Variants in LUZP2 observed in about 807,000 individuals in gnomAD.
The protein encoded by LUZP2 is leucine zipper protein 2.
In LUZP2, 52 loss-of-function variants were observed where a neutral mutation model predicts 51.6. That is an observed-to-expected ratio of 1.01 (90% CI 0.81 to 1.27). The LOEUF is 1.27. Among genes scored for constraint, LUZP2 ranks in the 50% most tolerant of loss-of-function variants. LUZP2 has a pLI of 0.00. For missense variants in LUZP2, 436 were observed against 395.4 expected (o/e 1.10, Z -0.87); for synonymous variants, 154 against 137.3 (o/e 1.12, Z -0.85).
In LUZP2 at chr11:25,025,515, C is replaced by T. The variant is rs542879821; in HGVS notation, c.766-24523C>T. Among the ~76,000 whole-genome samples the T allele has an allele frequency of 9.2e-5, 14 of 152,324 alleles. No individual in the cohort carries two copies. The East Asian group carries it at 2.5e-3, about 27-fold the overall frequency. On this transcript the variant is annotated intron_variant, in intron 9 of 11. Transcript: ENST00000336930. The stretch of plus-strand genomic sequence containing the variant: ...TGAACAGACACTTCTCAAAAGAAGA[C>T]ATTTATTCACCCAACAGACACATGA...
intron 5 of LUZP2, 89 bp downstream of exon 5, chr11:24,763,397 T>A: frequency 2.0e-6 from 1 of 496,848 alleles, no homozygotes; most frequent in South Asian, 5.0e-5. Context: ...TTTGGAGTAT[T>A]AAACACTTGC....
At chr11:24,774,785 T>C (rs3926541) in intron 5 of LUZP2, among the ~76,000 whole-genome samples, 4,431 of 29,860 alleles carry the variant, frequency 0.15, 84 homozygotes, top group Non-Finnish European at 0.18. Context: ...ATATAGAATA[T>C]ATTCTATATA....
intron 1 of LUZP2, among the ~76,000 whole-genome samples, chr11:24,707,689 C>T (rs1167913371): frequency 6.6e-6 from 1 of 152,138 alleles, no homozygotes; most frequent in African/African-American, 2.4e-5. Flanking sequence ...GTGAATTTGC[C>T]TTTCTGCCTT....
intron 3 of LUZP2, among the ~76,000 whole-genome samples, chr11:24,735,001 G>A (rs1042395277): frequency 6.6e-6 from 1 of 151,742 alleles, no homozygotes; most frequent in Non-Finnish European, 1.5e-5. Flanking sequence ...ATTCAGAGGT[G>A]GCCACCGAAA....
chr11:24,628,473 C>T (rs1477353760), intron 1 of LUZP2, among the ~76,000 whole-genome samples: 3 of 152,016 alleles, frequency 2.0e-5, no homozygotes, highest in Non-Finnish European at 4.4e-5. Flanking sequence ...TTTCTTTTCC[C>T]GAGTTATGTG....
At chr11:24,626,576 C>T (rs946135434) in intron 1 of LUZP2, among the ~76,000 whole-genome samples, 6 of 152,042 alleles carry the variant, frequency 3.9e-5, no homozygotes, top group African/African-American at 9.7e-5. Context: ...GATGGGAGAC[C>T]AGAAATCAAT....
chr11:24,529,435 G>T (rs1444878085), intron 1 of LUZP2, among the ~76,000 whole-genome samples: 1 of 150,930 alleles, frequency 6.6e-6, no homozygotes, highest in African/African-American at 2.4e-5. Flanking sequence ...TCCTGAAAGT[G>T]CATGCTATAG....
At chr11:25,007,516 T>A (rs1380767599) in intron 9 of LUZP2, among the ~76,000 whole-genome samples, 1 of 152,076 alleles carries the variant, frequency 6.6e-6, no homozygotes, top group Non-Finnish European at 1.5e-5. Context: ...GGTAGGAGAA[T>A]CACTTGAACC....
intron 7 of LUZP2, among the ~76,000 whole-genome samples, chr11:24,958,514 C>A (rs1855281190): frequency 6.6e-6 from 1 of 152,102 alleles, no homozygotes; most frequent in Admixed American, 6.6e-5. Context: ...TGATGATGAG[C>A]ATTTTTTCAT....
intron 5 of LUZP2, among the ~76,000 whole-genome samples, chr11:24,889,502 TAAA>T (rs1852779537): frequency 6.6e-6 from 1 of 152,160 alleles, no homozygotes; most frequent in African/African-American, 2.4e-5. Flanking sequence ...GTTTCAGAAA[TAAA>T]GAAGAATGAT....
chr11:24,581,540 G>A (rs369937820), intron 1 of LUZP2, among the ~76,000 whole-genome samples: 57 of 150,308 alleles, frequency 3.8e-4, no homozygotes, highest in African/African-American at 1.0e-3. Context: ...GTGTGGTGGC[G>A]CTCTCTTGCA....
chr11:24,746,253 G>A (rs1162165047), intron 4 of LUZP2, among the ~76,000 whole-genome samples: 1 of 152,092 alleles, frequency 6.6e-6, no homozygotes, highest in Non-Finnish European at 1.5e-5. Context: ...CTTGGTAGTG[G>A]CGAATTCACT....
intron 5 of LUZP2, among the ~76,000 whole-genome samples, chr11:24,789,338 C>G (rs139468491): frequency 2.4e-4 from 37 of 152,248 alleles, no homozygotes; most frequent in African/African-American, 7.7e-4. Flanking sequence ...AGGTGTGTCT[C>G]TTTGTATAAC....
At chr11:24,702,793 T>G (rs1338267113) in intron 1 of LUZP2, among the ~76,000 whole-genome samples, 1 of 151,548 alleles carries the variant, frequency 6.6e-6, no homozygotes, top group Non-Finnish European at 1.5e-5. Flanking sequence ...TGTTGTCATT[T>G]CAGATTTAAA....
chr11:24,577,204 A>T (rs1852680168), intron 1 of LUZP2, among the ~76,000 whole-genome samples: 1 of 152,022 alleles, frequency 6.6e-6, no homozygotes, highest in Non-Finnish European at 1.5e-5. Context: ...TCAGAGTTTT[A>T]TACAAATTAA....
intron 1 of LUZP2, among the ~76,000 whole-genome samples, chr11:24,682,551 A>G (rs1365713673): frequency 6.9e-6 from 1 of 144,882 alleles, no homozygotes; most frequent in Admixed American, 6.9e-5. Flanking sequence ...ATATGTATAT[A>G]TACACACTGA....
intron 5 of LUZP2, among the ~76,000 whole-genome samples, chr11:24,817,178 C>A (rs1850213933): frequency 6.6e-6 from 1 of 150,638 alleles, no homozygotes; most frequent in Non-Finnish European, 1.5e-5. Context: ...ATATCAATTG[C>A]ACCTGCTTTA....
intron 1 of LUZP2, among the ~76,000 whole-genome samples, chr11:24,713,689 T>TG (rs1451796661): frequency 2.8e-5 from 4 of 141,802 alleles, no homozygotes; most frequent in East Asian, 2.1e-4. Context: ...ATCTGTTTTT[T>TG]TTTTTTTTTT....
At chr11:25,007,605 GAAAAC>G (rs72370066) in intron 9 of LUZP2, among the ~76,000 whole-genome samples, 58,029 of 150,730 alleles carry the variant, frequency 0.38, 13,623 homozygotes, top group East Asian at 0.87. Context: ...TCCATCTCAA[GAAAAC>G]AAAACAAAAC....
Sources: gnomAD v4.1 joint callset for allele counts (sites outside exome capture counted in the v4.1 genomes callset) on GRCh38, gnomAD v4.1.1 for gene constraint, MANE v1.5 for transcripts, NCBI Gene and HGNC (gene_info 2026-07-23, HGNC 2026-07-21) for gene names.